The following SEMA4C variants were observed in gnomAD, a reference collection of about 807,000 sequenced individuals.
SEMA4C encodes semaphorin 4C.
Under a neutral mutation model 89.0 loss-of-function variants are expected in SEMA4C, and 19 were observed. The ratio of observed to expected loss-of-function variants is 0.21; its 90% CI spans 0.15 to 0.31. The LOEUF (loss-of-function observed/expected upper bound fraction) is 0.31. Among genes scored for constraint, SEMA4C ranks in the 10% least tolerant of loss-of-function variants. The probability of loss-of-function intolerance (pLI) is 1.00; values close to 1 mark genes in which losing one functional copy is unlikely to be tolerated. For missense variants in SEMA4C, 811 were observed against 1,107.0 expected, an observed-to-expected ratio of 0.73 and a Z score of 3.79; for synonymous variants, 428 against 472.7, an observed-to-expected ratio of 0.91 and a Z score of 1.23.
chr2:96,865,124 A>AGGGGAGGAGGTCAGC lies in SEMA4C; in HGVS notation c.635-24_635-10dup, dbSNP rs1287832314. 4 of 1,585,462 alleles carry AGGGGAGGAGGTCAGC rather than the reference A, an allele frequency of 2.5e-6. No homozygotes were observed. The highest frequency in any genetic ancestry group is 3.4e-6 in the Non-Finnish European group (4 of 1,165,818). ...GCCTACAAAGTGAGGTTCTGTGGGA[A>AGGGGAGGAGGTCAGC]GGGGAGGAGGTCAGCAGGGAGGGGC... On this transcript the variant is annotated splice_polypyrimidine_tract_variant and intron_variant, in intron 7 of 14. Transcript: ENST00000305476.
chr2:96,864,472 G>A lies in SEMA4C; in HGVS notation c.963-90C>T. ...GCAAGCAGCAGGAAGGCAGGGCCTG[G>A]CACAAACTGGCCATGGGTACCAGAA... On this transcript the variant is annotated intron_variant, in intron 9 of 14. Coordinates refer to ENST00000305476, the MANE Select transcript of SEMA4C (RefSeq NM_017789.5). This position sits in a 1 kb window ranked among gnomAD's most constrained non-coding sequence, Gnocchi z 6.3. 1.3e-6 allele frequency: 2 copies of A among 1,554,562 alleles called. No individual in the cohort carries two copies. Among genetic ancestry groups the A allele is most frequent in the South Asian group, 1.2e-5 (1 of 85,082 alleles).
Position 96,865,699 on chromosome 2 carries a change from G to A in SEMA4C, c.387C>T (p.Gly129=). ...PYNASHLYVC[G]TYAFQPKCTY... is the part of the protein sequence containing the mutation. ...TGCACTTGGGCTGGAAGGCGTAGGT[G>A]CCACAGACGTACAGGTGGGAGGCAT... Residue 129 remains glycine (G), a synonymous_variant, in exon 5 of 15, where the codon GGC becomes GGT. Transcript: ENST00000305476. The A allele has an allele frequency of 1.2e-6, 2 of 1,614,154 alleles. No individual in the cohort carries two copies. The highest frequency in any genetic ancestry group is 8.5e-7 in the Non-Finnish European group (1 of 1,180,020).
intron 12 of SEMA4C, 68 bp downstream of exon 12, chr2:96,863,614 G>A: frequency 6.1e-6 from 9 of 1,472,824 alleles, no homozygotes; most frequent in Non-Finnish European, 8.5e-6. Context: ...ACTGGGAGAA[G>A]CAGCCAGATG....
In SEMA4C at chr2:96,867,834, C is replaced by A; in HGVS notation, c.53G>T (p.Gly18Val). 1 of 1,613,722 alleles carries A rather than the reference C, an allele frequency of 6.2e-7. No individual in the cohort carries two copies. Among genetic ancestry groups the A allele is most frequent in the Non-Finnish European group, 8.5e-7 (1 of 1,179,984 alleles). Residue 18 changes from glycine (G) to valine (V), a missense_variant, in exon 2 of 15, where the codon GGC (glycine) becomes GTC (valine). Transcript: ENST00000305476. ...GTTCCACCACACCTCAGCCCCAATG[C>A]CCAGGCCCCACAGCCTTGCTGCCAG... ...WLLAARLWGLGIGAEVWWNLV... is the reference protein window; with the variant it reads ...WLLAARLWGLVIGAEVWWNLV...
At position 96,865,424 on chromosome 2, in the gene SEMA4C, G is replaced by A. The variant is rs2080046950; in HGVS notation, c.517+17C>T. On this transcript the variant is annotated intron_variant, in intron 6 of 14. Coordinates refer to ENST00000305476, the MANE Select transcript of SEMA4C (RefSeq NM_017789.5). Reference sequence around the variant, plus strand: ...CCCCAAGGACTCACCCAGCCTGCATGGGGGGCAGCCACTCACCCACAAGAA... The same window carrying A: ...CCCCAAGGACTCACCCAGCCTGCATAGGGGGCAGCCACTCACCCACAAGAA... 2 of 1,612,040 alleles carry A rather than the reference G, an allele frequency of 1.2e-6. No individual in the cohort carries two copies. Among genetic ancestry groups the A allele is most frequent in the African/African-American group, 2.7e-5 (2 of 74,916 alleles).
chr2:96,860,893 T>C lies in SEMA4C; in HGVS notation c.2235A>G (p.Ile745Met), dbSNP rs1376058217. The change falls in exon 15 of 15, where the codon ATA becomes ATG. Residue 745 changes from isoleucine (I) to methionine (M), a missense_variant. By Grantham distance (10) the Ile-to-Met change is conservative. Coordinates refer to ENST00000305476, the MANE Select transcript of SEMA4C (RefSeq NM_017789.5). ...GCTGGCACCGGGCATGCCCAGGTAC[T>C]ATCTTAAGGGAGCCATCTGAATAGT... is the stretch of plus-strand genomic sequence containing the variant. ...GYYYSDGSLK[I>M]VPGHARCQPG... The C allele has an allele frequency of 1.9e-6, 3 of 1,613,062 alleles. No homozygotes were observed. The highest frequency in any genetic ancestry group is 2.5e-6 in the Non-Finnish European group (3 of 1,180,040).
At chr2:96,868,017 C>T in intron 1 of SEMA4C, 94 bp from the exon 2 acceptor site, 1 of 1,491,166 alleles carries the variant, frequency 6.7e-7, no homozygotes, top group African/African-American at 1.4e-5. Flanking sequence ...CCTCATCAGG[C>T]CTTCCAGGAG....
chr2:96,863,784 C>A lies in SEMA4C; in HGVS notation c.1341G>T (p.Trp447Cys), dbSNP rs767553453. Reference sequence around the variant, plus strand: ...GCCCCAGGCTCACAGCCTTGAGCAGCCAGCCGTCTCCTGGGGGGTGCAGAG... The same window carrying A: ...GCCCCAGGCTCACAGCCTTGAGCAGACAGCCGTCTCCTGGGGGGTGCAGAG... The part of the protein sequence containing the change: ...TVLFIGTGDG[W>C]LLKAVSLGPW... Residue 447 changes from tryptophan to cysteine, a missense_variant, in exon 12 of 15, where the codon TGG (tryptophan) becomes TGT (cysteine). Transcript: ENST00000305476. 1 of 1,613,766 alleles carries A rather than the reference C, an allele frequency of 6.2e-7. No homozygotes were observed. Among genetic ancestry groups the A allele is most frequent in the African/African-American group, 1.3e-5 (1 of 74,920 alleles).
At chr2:96,868,353 A>C in intron 1 of SEMA4C, 1 of 905,442 alleles carries the variant, frequency 1.1e-6, no homozygotes, top group South Asian at 4.5e-5. Context: ...TGGGAGGAAG[A>C]CTCCTTAGGG....
At position 96,863,899 on chromosome 2, in the gene SEMA4C, GCCATGCCTGCATAC is replaced by G. The variant is rs1382068035; in HGVS notation, c.1330+13_1330+26del. 1 of 1,598,522 alleles carries G rather than the reference GCCATGCCTGCATAC, an allele frequency of 6.3e-7. No homozygotes were observed. Among genetic ancestry groups the G allele is most frequent in the East Asian group, 2.2e-5 (1 of 44,446 alleles). On this transcript the variant is annotated intron_variant, in intron 11 of 14. Coordinates refer to ENST00000305476, the MANE Select transcript of SEMA4C (RefSeq NM_017789.5). ...ACGGGCTTCTGCCCAGCCTTGAGCA[GCCATGCCTGCATAC>G]CCATGCACCCACCTGTGCCAATGAA...
At chr2:96,868,520 G>C in intron 1 of SEMA4C, 1 of 986,748 alleles carries the variant, frequency 1.0e-6, no homozygotes, top group Non-Finnish European at 1.2e-6. Context: ...CATCAGCAGG[G>C]CAGGAGTGTG....
In SEMA4C at chr2:96,869,868, T is replaced by A; in HGVS notation, c.-38+8A>T. On this transcript the variant is annotated splice_region_variant and intron_variant, in intron 1 of 14. Coordinates refer to ENST00000305476, the MANE Select transcript of SEMA4C (RefSeq NM_017789.5). ...GCTCCAGCCTCACGCAAGCCCGGCC[T>A]CGCTCACCTATTGCGCGCAGCTCCA... 1.0e-6 allele frequency: 1 copy of A among 985,560 alleles called. No homozygotes were observed. The highest frequency in any genetic ancestry group is 1.2e-6 in the Non-Finnish European group (1 of 830,110). The allele number at this position is 985,560 out of a possible 1,614,324, so 61.1% of individuals were successfully genotyped here.
Position 96,864,725 on chromosome 2 carries a change from A to G in SEMA4C, c.942T>C (p.Phe314=). 1.9e-6 allele frequency: 3 copies of G among 1,611,466 alleles called. No individual in the cohort carries two copies. Among genetic ancestry groups the G allele is most frequent in the Admixed American group, 3.3e-5 (2 of 59,944 alleles). ...CTCACCACTGTGCTTGAAAAACCCC[A>G]AAGAAGGTGGTGTTGTGCCAGGAGG... ...QDTSWHNTTF[F]GVFQAQWGDM... Residue 314 remains phenylalanine, a synonymous_variant, in exon 9 of 15, where the codon TTT becomes TTC. Coordinates refer to ENST00000305476, the MANE Select transcript of SEMA4C (RefSeq NM_017789.5). The surrounding 1 kb of genome is among the most constrained non-coding windows in gnomAD (Gnocchi z 6.3).
rs911835782 is a variant in SEMA4C at position 96,860,386 on chromosome 2, G to A, written c.*240C>T. ...GAAAAGTTTTGGCGGCTGGGGTCCC[G>A]CGTGTCTGTGATTCACAGAGAGGAG... is the stretch of plus-strand genomic sequence containing the variant. On this transcript the variant is annotated 3_prime_UTR_variant, in exon 15 of 15. Coordinates refer to ENST00000305476, the MANE Select transcript of SEMA4C (RefSeq NM_017789.5). 16 of 510,458 alleles carry A rather than the reference G, an allele frequency of 3.1e-5. 1 individual carries two copies. The highest frequency in any genetic ancestry group is 1.5e-4 in the Admixed American group (4 of 27,342). The allele number at this position is 510,458 out of a possible 1,614,324, so 31.6% of individuals were successfully genotyped here.
At position 96,861,209 on chromosome 2, in the gene SEMA4C, C is replaced by G. The variant is rs1396272784; in HGVS notation, c.1919G>C (p.Gly640Ala). ...GCCTGCCACGACAGCCACAAGGTAG[C>G]CTTCAGCAGCCAGCCGCGCCCCCTG... Reference protein sequence around the residue: ...EEQGARLAAEGYLVAVVAGPS... With the variant: ...EEQGARLAAEAYLVAVVAGPS... Residue 640 changes from glycine to alanine, a missense_variant, in exon 15 of 15, where the codon GGC becomes GCC. Around this residue, in one of 4 missense-constraint regions of SEMA4C, gnomAD observed 248 missense variants for 269.0 expected, o/e 0.92. Transcript: ENST00000305476. This position sits in a 1 kb window ranked among gnomAD's most constrained non-coding sequence, Gnocchi z 7.8. 1 of 1,610,560 alleles carries G rather than the reference C, an allele frequency of 6.2e-7. No individual in the cohort carries two copies. The highest frequency in any genetic ancestry group is 8.5e-7 in the Non-Finnish European group (1 of 1,179,736).
In SEMA4C at chr2:96,860,839, T is replaced by C. The variant is rs752186714; in HGVS notation, c.2289A>G (p.Pro763=). ...QPGGGPPSPP[P]GIPGQPLPSP... ...AAGGCAGAGGCTGGCCTGGGATGCCTGGAGGTGGCGAAGGGGGCCCCCCAC... is the reference window on the plus strand; with the variant it reads ...AAGGCAGAGGCTGGCCTGGGATGCCCGGAGGTGGCGAAGGGGGCCCCCCAC... The change falls in exon 15 of 15, where the codon CCA becomes CCG. Residue 763 remains proline (P), a synonymous_variant. Coordinates refer to ENST00000305476, the MANE Select transcript of SEMA4C (RefSeq NM_017789.5). 8 of 1,613,112 alleles carry C rather than the reference T, an allele frequency of 5.0e-6. No individual in the cohort carries two copies. Among genetic ancestry groups the C allele is most frequent in the Non-Finnish European group, 2.5e-6 (3 of 1,179,994 alleles).
At chr2:96,869,491 G>A in intron 1 of SEMA4C, 7 of 985,242 alleles carry the variant, frequency 7.1e-6, no homozygotes, top group Non-Finnish European at 7.2e-6. Context: ...GGGGGCCGCG[G>A]CAGGGAAATC....
In SEMA4C at chr2:96,863,945, T is replaced by C. The variant is rs2080010498; in HGVS notation, c.1311A>G (p.Thr437=). The C allele has an allele frequency of 3.2e-5, 51 of 1,612,508 alleles. No homozygotes were observed. Among genetic ancestry groups the C allele is most frequent in the Non-Finnish European group, 4.0e-5 (47 of 1,179,352 alleles). The change falls in exon 11 of 15, where the codon ACA becomes ACG. Residue 437 remains threonine, a synonymous_variant. Coordinates refer to ENST00000305476, the MANE Select transcript of SEMA4C (RefSeq NM_017789.5). ...ACCCACCTGTGCCAATGAACAGCAC[T>C]GTATAGGTGGCTCCATCAAGTCCTG... ...RVTGLDGATY[T]VLFIGTGDGW... is the part of the protein sequence containing the mutation.
At chr2:96,865,368 T>C (rs779481435) in intron 6 of SEMA4C, 48 bp from the exon 7 acceptor site, 2 of 1,611,642 alleles carry the variant, frequency 1.2e-6, no homozygotes, top group Non-Finnish European at 1.7e-6. Context: ...TATGGACACA[T>C]CCGGCCAACA....
Sources: allele counts gnomAD v4.1 joint callset, GRCh38; gene constraint gnomAD v4.1.1; regional missense constraint gnomAD v4.1.1; non-coding constraint Gnocchi (gnomAD v3.1); transcripts MANE v1.5; gene names NCBI Gene and HGNC (gene_info 2026-07-23, HGNC 2026-07-21).